Variants in DDX31 observed in about 807,000 individuals in gnomAD.
The protein encoded by DDX31 is ATP-dependent DNA helicase DDX31.
A neutral mutation model predicts 91.3 loss-of-function variants in DDX31; 70 were observed. The observed-to-expected ratio is 0.77, with a 90% confidence interval of 0.63 to 0.94. The LOEUF is 0.94. DDX31 is among the 40% of genes least tolerant of loss of function. The pLI, the probability that DDX31 is intolerant of heterozygous loss-of-function variation, is 0.00. For synonymous variants in DDX31, 362 were observed against 350.6 expected, an observed-to-expected ratio of 1.03 and a Z score of -0.36; for missense variants, 902 against 925.0, an observed-to-expected ratio of 0.98 and a Z score of 0.32.
chr9:132,602,100 T>C (rs1361853839), intron 19 of DDX31, among the ~76,000 whole-genome samples: 1 of 152,194 alleles, frequency 6.6e-6, no homozygotes, highest in Non-Finnish European at 1.5e-5. Context: ...AGCGTTTGAA[T>C]CTCACAGAGG....
chr9:132,644,022 C>A (rs1283422670), intron 13 of DDX31, among the ~76,000 whole-genome samples: 1 of 151,838 alleles, frequency 6.6e-6, no homozygotes, highest in Non-Finnish European at 1.5e-5. Flanking sequence ...ACCATGTCAA[C>A]CATCTAAGGA....
At chr9:132,608,224 C>T (rs1156499926) in intron 19 of DDX31, among the ~76,000 whole-genome samples, 1 of 152,074 alleles carries the variant, frequency 6.6e-6, no homozygotes, top group Non-Finnish European at 1.5e-5. Flanking sequence ...ATGTCTATGT[C>T]GGTGTTTGGG....
intron 12 of DDX31, 45 bp from the exon 13 acceptor site, chr9:132,646,116 A>G: frequency 1.3e-6 from 2 of 1,584,380 alleles, no homozygotes; most frequent in Non-Finnish European, 1.7e-6. Flanking sequence ...TTTTAAGATT[A>G]GGTGACGCCA....
At chr9:132,630,229 G>C in intron 16 of DDX31, 35 bp downstream of exon 16, 1 of 1,548,178 alleles carries the variant, frequency 6.5e-7, no homozygotes, top group East Asian at 2.3e-5. Context: ...AATTAGGTGA[G>C]ACCAGCCGAA....
chr9:132,594,031 G>T lies in DDX31; in HGVS notation c.*835C>A, dbSNP rs1451402066. ...ACAATGCAGGGGCAGGGCGGGGTGG[G>T]TCGGGGGCGGGGGGCGGGCAGCTGT... On this transcript the variant is annotated 3_prime_UTR_variant, in exon 20 of 20. Transcript: ENST00000372159. 1.4e-5 allele frequency: 2 copies of T among 141,106 alleles called. No homozygotes were observed. The highest frequency in any genetic ancestry group is 2.6e-5 in the African/African-American group (1 of 38,272). The allele number at this position is 141,106 out of a possible 1,614,324, so 8.7% of individuals were successfully genotyped here. A position where few individuals can be genotyped will look rare whatever the true frequency, so the allele number is the denominator to read the frequency against.
At chr9:132,649,090 C>A (rs758653821) in intron 9 of DDX31, among the ~76,000 whole-genome samples, 2 of 152,136 alleles carry the variant, frequency 1.3e-5, no homozygotes, top group Admixed American at 6.6e-5. Context: ...GTAATAAAAG[C>A]TTCCAATTTT....
At position 132,620,855 on chromosome 9, in the gene DDX31, G is replaced by A. The variant is rs1208295450; in HGVS notation, c.1714-2414C>T. 2.0e-5 allele frequency among the ~76,000 whole-genome samples: 3 copies of A among 152,136 alleles called. No individual in the cohort carries two copies. The East Asian group carries it at 5.8e-4, about 29-fold the overall frequency. ...GCTCTCCCACCCTCCAAGACACAGAGTCAGTACTGGTTAATGAAGCTAACT... is the reference window on the plus strand; with the variant it reads ...GCTCTCCCACCCTCCAAGACACAGAATCAGTACTGGTTAATGAAGCTAACT... On this transcript the variant is annotated intron_variant, in intron 17 of 19. Coordinates refer to ENST00000372159, the MANE Select transcript of DDX31 (RefSeq NM_022779.9).
In DDX31 at chr9:132,594,697, G is replaced by T; in HGVS notation, c.*169C>A. On this transcript the variant is annotated 3_prime_UTR_variant, in exon 20 of 20. Coordinates refer to ENST00000372159, the MANE Select transcript of DDX31 (RefSeq NM_022779.9). ...GCCCCACACCACTGATTTCTATCAG[G>T]CTCCAGGGCCTCCCATGGAGGAGAA... 1 of 1,138,220 alleles carries T rather than the reference G, an allele frequency of 8.8e-7. No individual in the cohort carries two copies. The highest frequency in any genetic ancestry group is 1.2e-6 in the Non-Finnish European group (1 of 806,408). The allele number at this position is 1,138,220 out of a possible 1,614,324, so 70.5% of individuals were successfully genotyped here.
chr9:132,609,501 T>C (rs1831205548), intron 19 of DDX31, among the ~76,000 whole-genome samples: 1 of 152,214 alleles, frequency 6.6e-6, no homozygotes, highest in East Asian at 1.9e-4. Flanking sequence ...TCTGAGGAGC[T>C]GCTATCTGGA....
chr9:132,599,566 C>T (rs73560855), intron 19 of DDX31, among the ~76,000 whole-genome samples: 1,661 of 152,264 alleles, frequency 0.011, 21 homozygotes, highest in African/African-American at 0.029. Context: ...TAGAAAATAA[C>T]AGTATATTCA....
intron 19 of DDX31, among the ~76,000 whole-genome samples, chr9:132,596,990 C>T (rs200348948): frequency 2.0e-5 from 3 of 151,864 alleles, no homozygotes; most frequent in African/African-American, 7.3e-5. Flanking sequence ...GAATGGCACT[C>T]AGGTGTGAGG....
chr9:132,665,163 G>A (rs1835228515), intron 1 of DDX31, among the ~76,000 whole-genome samples: 1 of 152,174 alleles, frequency 6.6e-6, no homozygotes, highest in South Asian at 2.1e-4. Context: ...TGTATCCCCT[G>A]TATAGGCCCC....
intron 17 of DDX31, among the ~76,000 whole-genome samples, chr9:132,620,757 C>T (rs1831976823): frequency 6.6e-6 from 1 of 152,096 alleles, no homozygotes; most frequent in Non-Finnish European, 1.5e-5. Flanking sequence ...CATCTCAGCC[C>T]CCGACAGGTA....
chr9:132,627,496 GATAA>G lies in DDX31; in HGVS notation c.1632-1755_1632-1752del, dbSNP rs982758843. 6.7e-4 allele frequency among the ~76,000 whole-genome samples: 102 copies of G among 152,252 alleles called. 1 individual carries two copies. The highest frequency in any genetic ancestry group is 2.0e-3 in the African/African-American group (83 of 41,544). Reference sequence around the variant, plus strand: ...CCTCACCTTAGTATGAAACGAGATGGATAAATAAATAAATTCAGGGAACTGTCTT... The same window carrying G: ...CCTCACCTTAGTATGAAACGAGATGGATAAATAAATTCAGGGAACTGTCTT... On this transcript the variant is annotated intron_variant, in intron 16 of 19. Coordinates refer to ENST00000372159, the MANE Select transcript of DDX31 (RefSeq NM_022779.9).
rs2119300667 is a variant in DDX31 at position 132,612,090 on chromosome 9, T to G, written c.1991A>C (p.Lys664Thr). The change falls in exon 19 of 20, where the codon AAA (lysine) becomes ACA (threonine). Residue 664 changes from lysine to threonine, a missense_variant. By Grantham distance (78) the Lys-to-Thr change is moderately conservative (BLOSUM62 -1). Transcript: ENST00000372159. Reference protein sequence around the residue: ...LTRKKRKAHVKRPDLHKKTQS... With the variant: ...LTRKKRKAHVTRPDLHKKTQS... The stretch of plus-strand genomic sequence containing the variant: ...GGACGAATTCAGCTCATCTTACCTT[T>G]TCACGTGTGCTTTCCTCTTCTTTCT... 1 of 1,613,394 alleles carries G rather than the reference T, an allele frequency of 6.2e-7. No individual in the cohort carries two copies. The highest frequency in any genetic ancestry group is 2.2e-5 in the East Asian group (1 of 44,858).
rs746001561 is a variant in DDX31, at chr9:132,630,348, C to T, written c.1547G>A (p.Arg516Gln). 5.6e-6 allele frequency: 9 copies of T among 1,604,524 alleles called. No individual in the cohort carries two copies. In the East Asian group the frequency reaches 6.7e-5, roughly 12 times the overall value. Residue 516 changes from arginine to glutamine, a missense_variant, in exon 16 of 20, where the codon CGG becomes CAG. Coordinates refer to ENST00000372159, the MANE Select transcript of DDX31 (RefSeq NM_022779.9). ...EYIHRIGRTA[R>Q]IGCHGSSLLI... ...CAGGCTGCTCCCATGGCAGCCAATC[C>T]GGGCGGTTCTTCCAATCCGGTGGAT...
In DDX31 at chr9:132,595,024, C is replaced by T. The variant is rs138252105; in HGVS notation, c.2083G>A (p.Ala695Thr). 879 of 1,614,184 alleles carry T rather than the reference C, an allele frequency of 5.4e-4. 2 individuals are homozygous for T. Among genetic ancestry groups the T allele is most frequent in the Admixed American group, 3.5e-3 (208 of 60,028 alleles). Residue 695 changes from alanine (A) to threonine (T), a missense_variant, in exon 20 of 20, where the codon GCC (alanine) becomes ACC (threonine). Coordinates refer to ENST00000372159, the MANE Select transcript of DDX31 (RefSeq NM_022779.9). This position sits in a 1 kb window ranked among gnomAD's most constrained non-coding sequence, Gnocchi z 4.6. ...EYSSGMEADI[A>T]KVKKQNAPGE... is the part of the protein sequence containing the mutation. Reference sequence around the variant, plus strand: ...GGTGCGTTTTGCTTTTTGACCTTGGCGATGTCGGCCTCCATGCCGCTTGAG... The same window carrying T: ...GGTGCGTTTTGCTTTTTGACCTTGGTGATGTCGGCCTCCATGCCGCTTGAG...
chr9:132,597,040 T>C (rs1400699332), intron 19 of DDX31, among the ~76,000 whole-genome samples: 1 of 152,172 alleles, frequency 6.6e-6, no homozygotes, highest in Non-Finnish European at 1.5e-5. Context: ...TAGCTGGTGG[T>C]TGGCATGTGG....
chr9:132,646,030 G>T lies in DDX31; in HGVS notation c.1245C>A (p.Cys415Ter). ...GGCTGTAGTGGAACTCCACCAGCTC[G>T]CAACTTGAGAAAAAGACAACCATCT... is the stretch of plus-strand genomic sequence containing the variant. ...DQKMVVFFSS[C>*]ELVEFHYSLF... The change falls in exon 13 of 20, where the codon TGC becomes TGA. Residue 415 changes from cysteine to a stop codon, truncating the protein, a stop_gained. Coordinates refer to ENST00000372159, the MANE Select transcript of DDX31 (RefSeq NM_022779.9). LOFTEE classifies it high-confidence loss of function. The T allele has an allele frequency of 6.2e-7, 1 of 1,614,052 alleles. No individual in the cohort carries two copies. Among genetic ancestry groups the T allele is most frequent in the Non-Finnish European group, 8.5e-7 (1 of 1,180,008 alleles).
Sources: allele counts gnomAD v4.1 joint callset (sites outside exome capture counted in the v4.1 genomes callset), GRCh38; gene constraint gnomAD v4.1.1; non-coding constraint Gnocchi (gnomAD v3.1); transcripts MANE v1.5; gene names NCBI Gene and HGNC (gene_info 2026-07-23, HGNC 2026-07-21).